Variants in U2SURP observed in about 807,000 individuals in gnomAD.
The protein encoded by U2SURP is U2 snRNP-associated SURP motif-containing protein.
U2SURP carries 9 observed loss-of-function variants against 144.9 expected under a neutral mutation model. The ratio of observed to expected loss-of-function variants is 0.06; its 90% CI spans 0.04 to 0.11. The LOEUF is 0.11. Ranked by LOEUF, U2SURP falls within the 10% of genes least tolerant of loss-of-function variation. The pLI is 1.00. For synonymous variants in U2SURP, 408 were observed against 396.8 expected (o/e 1.03, Z -0.33); for missense variants, 724 against 1,226.7 (o/e 0.59, Z 6.12).
chr3:143,033,156 A>G, intron 17 of U2SURP, 115 bp from the exon 18 acceptor site: 1 of 821,994 alleles, frequency 1.2e-6, no homozygotes, highest in Non-Finnish European at 1.9e-6. Context: ...TGCCAGAGTC[A>G]TAGTTGTGGT....
In U2SURP at chr3:143,001,651, G is replaced by C. The variant is rs755269749; in HGVS notation, c.23G>C (p.Gly8Ala). 49 of 1,613,874 alleles carry C rather than the reference G, an allele frequency of 3.0e-5. No individual in the cohort carries two copies. The highest frequency in any genetic ancestry group is 3.8e-5 in the Non-Finnish European group (45 of 1,179,902). The change falls in exon 1 of 28, where the codon GGA becomes GCA. Residue 8 changes from glycine to alanine, a missense_variant. This residue lies in a region of U2SURP where 127 missense variants were observed against 98.2 expected (regional missense o/e 1.29). Coordinates refer to ENST00000473835, the MANE Select transcript of U2SURP (RefSeq NM_001080415.2). ...AAGATGGCGGACAAAACGCCAGGCGGATCTCAGAAGGCCAGTTCAAAGGTA... is the reference window on the plus strand; with the variant it reads ...AAGATGGCGGACAAAACGCCAGGCGCATCTCAGAAGGCCAGTTCAAAGGTA... Reference protein sequence around the residue: MADKTPGGSQKASSKTRS... With the variant: MADKTPGASQKASSKTRS...
rs147285033 is a variant in U2SURP at position 143,048,985 on chromosome 3, C to T, written c.2545-1954C>T. ...AAATGCCACTTGGGGCCGGGCATGG[C>T]GGCTCATTCCTGTAATCCCAGCAGT... is the stretch of plus-strand genomic sequence containing the variant. On this transcript the variant is annotated intron_variant, in intron 24 of 27. Coordinates refer to ENST00000473835, the MANE Select transcript of U2SURP (RefSeq NM_001080415.2). Among the ~76,000 whole-genome samples, 192 of 150,642 alleles carry T rather than the reference C, an allele frequency of 1.3e-3. 2 individuals are homozygous for T. The highest frequency in any genetic ancestry group is 6.0e-3 in the East Asian group (30 of 5,042).
intron 25 of U2SURP, among the ~76,000 whole-genome samples, chr3:143,051,512 CT>C (rs928119358): frequency 7.3e-6 from 1 of 137,868 alleles, no homozygotes; most frequent in African/African-American, 2.7e-5. Context: ...GTTTGAGGGA[CT>C]TTATATTCTC....
chr3:143,054,088 A>G (rs1178099632), intron 26 of U2SURP, among the ~76,000 whole-genome samples: 1 of 152,216 alleles, frequency 6.6e-6, no homozygotes, highest in African/African-American at 2.4e-5. Context: ...AAGTAACAAA[A>G]CAACTTGCTA....
Position 143,010,839 on chromosome 3 carries a change from T to C in U2SURP, c.70T>C (p.Ser24Pro), listed in dbSNP as rs1936085553. ...GACGAGATCATCAGATGTTCATTCA[T>C]CTGGATCTTCAGATGCACATGTGAG... ...SKTRSSDVHS[S>P]GSSDAHMDAS... The change falls in exon 2 of 28, where the codon TCT (serine) becomes CCT (proline). Residue 24 changes from serine to proline, a missense_variant. Ser to Pro is a moderately conservative substitution (Grantham distance 74). Transcript: ENST00000473835. The C allele has an allele frequency of 6.2e-7, 1 of 1,607,872 alleles. No homozygotes were observed. The highest frequency in any genetic ancestry group is 1.1e-5 in the South Asian group (1 of 90,284).
chr3:143,015,977 A>G (rs1444000368), intron 4 of U2SURP, among the ~76,000 whole-genome samples: 1 of 152,140 alleles, frequency 6.6e-6, no homozygotes, highest in Non-Finnish European at 1.5e-5. Flanking sequence ...GTCAGTTGTC[A>G]TATAATTTGA....
chr3:143,018,503 G>A (rs1466971106), intron 6 of U2SURP, among the ~76,000 whole-genome samples: 1 of 152,084 alleles, frequency 6.6e-6, no homozygotes, highest in Non-Finnish European at 1.5e-5. Context: ...TAATGCTGCT[G>A]TAAACATTCA....
In U2SURP at chr3:143,053,738, A is replaced by G; in HGVS notation, c.2718A>G (p.Glu906=). The stretch of plus-strand genomic sequence containing the variant: ...ACAAGAAAGATAAAGAAAAATTGGA[A>G]TCTCGCTCCAAAGACAAGAAGGAAA... ...ERDKKDKEKL[E]SRSKDKKEKD... is the part of the protein sequence containing the mutation. Residue 906 remains glutamate (E), a synonymous_variant, in exon 26 of 28, where the codon GAA becomes GAG. Coordinates refer to ENST00000473835, the MANE Select transcript of U2SURP (RefSeq NM_001080415.2). 2 of 1,609,288 alleles carry G rather than the reference A, an allele frequency of 1.2e-6. No individual in the cohort carries two copies. The highest frequency in any genetic ancestry group is 1.7e-6 in the Non-Finnish European group (2 of 1,177,762).
intron 1 of U2SURP, among the ~76,000 whole-genome samples, chr3:143,003,022 A>G (rs6797880): frequency 0.036 from 5,552 of 152,302 alleles, 293 homozygotes; most frequent in African/African-American, 0.12. Context: ...TACGTTCATA[A>G]CAAGTCGTGC....
At chr3:143,007,647 T>G (rs1330299511) in intron 1 of U2SURP, among the ~76,000 whole-genome samples, 1 of 152,086 alleles carries the variant, frequency 6.6e-6, no homozygotes, top group Admixed American at 6.5e-5. Flanking sequence ...TTTGCTGTGT[T>G]AGCCAGGATG....
At chr3:143,013,945 T>A (rs1325136147) in intron 3 of U2SURP, among the ~76,000 whole-genome samples, 1 of 152,090 alleles carries the variant, frequency 6.6e-6, no homozygotes, top group Non-Finnish European at 1.5e-5. Flanking sequence ...CATTTGCTTA[T>A]TTGAGGATCT....
intron 27 of U2SURP, among the ~76,000 whole-genome samples, chr3:143,055,744 ATATATATGTATGTATGTGT>A (rs1274156460): frequency 2.0e-5 from 3 of 152,126 alleles, no homozygotes; most frequent in Non-Finnish European, 4.4e-5. Flanking sequence ...TGGCACCTGT[ATATATATGTATGTATGTGT>A]TATATATGTA....
At chr3:143,034,327 C>T (rs1048903356) in intron 18 of U2SURP, among the ~76,000 whole-genome samples, 1 of 152,040 alleles carries the variant, frequency 6.6e-6, no homozygotes, top group African/African-American at 2.4e-5. Context: ...TCGCTTGAAC[C>T]CGGGAGGCGG....
At chr3:143,004,573 A>ACCCCC (rs753834748) in intron 1 of U2SURP, among the ~76,000 whole-genome samples, 15 of 48,564 alleles carry the variant, frequency 3.1e-4, no homozygotes, top group African/African-American at 8.1e-4. Context: ...TGACCTTGTG[A>ACCCCC]CCCCCCCCCC....
intron 23 of U2SURP, among the ~76,000 whole-genome samples, chr3:143,042,039 G>A (rs1378836244): frequency 6.6e-6 from 1 of 151,866 alleles, no homozygotes; most frequent in African/African-American, 2.4e-5. Flanking sequence ...TTTGTTCTTT[G>A]TGCTTCAAGA....
At chr3:143,026,955 C>G in intron 13 of U2SURP, 194 bp from the exon 14 acceptor site, 1 of 458,438 alleles carries the variant, frequency 2.2e-6, no homozygotes. Flanking sequence ...CCTCCCACTT[C>G]CCTACTCCCA....
chr3:143,050,912 T>G (rs562699941), intron 24 of U2SURP, 27 bp from the exon 25 acceptor site: 1 of 1,472,934 alleles, frequency 6.8e-7, no homozygotes, highest in South Asian at 1.2e-5. Context: ...ATGAAAATGC[T>G]TATTTTTAAA....
chr3:143,038,486 C>T (rs372523722), intron 22 of U2SURP, among the ~76,000 whole-genome samples: 4 of 152,072 alleles, frequency 2.6e-5, no homozygotes, highest in African/African-American at 2.4e-5. Context: ...GCTGTACCTA[C>T]GTAGAAATCT....
Position 143,019,633 on chromosome 3 carries a change from TTAC to T in U2SURP, c.571-334_571-332del, listed in dbSNP as rs1936537936. On this transcript the variant is annotated intron_variant, in intron 6 of 27. Coordinates refer to ENST00000473835, the MANE Select transcript of U2SURP (RefSeq NM_001080415.2). ...TAAAAGAGGATTCCAAAGATGTTAC[TTAC>T]TGTTCCAGTAACTCATGTCCTCCAG... Among the ~76,000 whole-genome samples the T allele has an allele frequency of 2.0e-5, 3 of 152,252 alleles. No individual in the cohort carries two copies. The South Asian group carries it at 6.2e-4, about 31-fold the overall frequency.
Sources: gnomAD v4.1 joint callset for allele counts (sites outside exome capture counted in the v4.1 genomes callset) on GRCh38, gnomAD v4.1.1 for gene constraint, gnomAD v4.1.1 regional missense constraint, MANE v1.5 for transcripts, NCBI Gene and HGNC (gene_info 2026-07-23, HGNC 2026-07-21) for gene names.